The following IQGAP2 variants were observed in gnomAD, a reference collection of about 807,000 sequenced individuals.
The protein encoded by IQGAP2 is IQ motif containing GTPase activating protein 2.
IQGAP2 carries 173 observed loss-of-function variants against 201.3 expected under a neutral mutation model. The observed-to-expected ratio is 0.86, with a 90% CI of 0.76 to 0.98. The LOEUF (loss-of-function observed/expected upper bound fraction) is 0.98. Ranked by LOEUF, IQGAP2 falls within the 50% of genes least tolerant of loss-of-function variation. IQGAP2 has a pLI of 0.00. For missense variants in IQGAP2, 1,687 were observed against 1,864.8 expected, an observed-to-expected ratio of 0.90 and a Z score of 1.76; for synonymous variants, 675 against 673.9, an observed-to-expected ratio of 1.00 and a Z score of -0.03.
At chr5:76,527,940 G>C (rs1759062385) in intron 2 of IQGAP2, among the ~76,000 whole-genome samples, 1 of 152,182 alleles carries the variant, frequency 6.6e-6, no homozygotes, top group African/African-American at 2.4e-5. Context: ...CCAATCAGAA[G>C]AAAGATTACA....
At chr5:76,692,208 G>A (rs984046047) in intron 30 of IQGAP2, among the ~76,000 whole-genome samples, 4 of 152,164 alleles carry the variant, frequency 2.6e-5, no homozygotes, top group African/African-American at 7.2e-5. Flanking sequence ...CTGGAGTGCA[G>A]TGGCACGATT....
At chr5:76,501,292 A>G (rs1464984715) in intron 2 of IQGAP2, among the ~76,000 whole-genome samples, 1 of 152,188 alleles carries the variant, frequency 6.6e-6, no homozygotes, top group East Asian at 1.9e-4. Flanking sequence ...GACCAGGTTC[A>G]GTGACTCATG....
intron 14 of IQGAP2, among the ~76,000 whole-genome samples, chr5:76,630,770 C>T (rs1236954449): frequency 6.6e-6 from 1 of 152,106 alleles, no homozygotes; most frequent in African/African-American, 2.4e-5. Flanking sequence ...GCTATGTCTA[C>T]CCATGTTCTA....
chr5:76,616,818 C>T (rs1749018201), intron 13 of IQGAP2: 2 of 152,112 alleles, frequency 1.3e-5, no homozygotes, highest in Non-Finnish European at 2.9e-5. Flanking sequence ...CAGGCTACTG[C>T]ACTTCAGCCA....
At chr5:76,493,809 A>G (rs1394805205) in intron 2 of IQGAP2, among the ~76,000 whole-genome samples, 1 of 152,220 alleles carries the variant, frequency 6.6e-6, no homozygotes, top group Non-Finnish European at 1.5e-5. Flanking sequence ...AGTACGGCCT[A>G]GTTAACTTTT....
intron 2 of IQGAP2, among the ~76,000 whole-genome samples, chr5:76,475,940 AG>A (rs558432482): frequency 3.9e-5 from 6 of 152,094 alleles, no homozygotes; most frequent in Non-Finnish European, 8.8e-5. Flanking sequence ...TGGGTTCTTG[AG>A]GTCCCATCTG....
Position 76,673,553 on chromosome 5 carries a change from T to A in IQGAP2, c.3173T>A (p.Val1058Asp). 1 of 1,614,046 alleles carries A rather than the reference T, an allele frequency of 6.2e-7. No individual in the cohort carries two copies. Among genetic ancestry groups the A allele is most frequent in the Non-Finnish European group, 8.5e-7 (1 of 1,179,936 alleles). ...IENLRRVTDK[V>D]LNSIISSLDL... The stretch of plus-strand genomic sequence containing the variant: ...AACCTGAGAAGGGTCACCGACAAAG[T>A]CCTGAATTCTATCATTTCTTCCCTT... The change falls in exon 25 of 36, where the codon GTC becomes GAC. Residue 1058 changes from valine to aspartate, a missense_variant. Transcript: ENST00000274364.
intron 15 of IQGAP2, among the ~76,000 whole-genome samples, chr5:76,635,615 A>G (rs962720829): frequency 1.3e-5 from 2 of 152,092 alleles, no homozygotes; most frequent in African/African-American, 4.8e-5. Context: ...GGCTGAGGTG[A>G]GCGGATTGCT....
rs138834008 is a variant in IQGAP2, at chr5:76,501,055, G to T, written c.146+39386G>T. Among the ~76,000 whole-genome samples the T allele has an allele frequency of 2.7e-4, 41 of 151,492 alleles. No individual in the cohort carries two copies. The East Asian group carries it at 7.1e-3, about 26-fold the overall frequency. The stretch of plus-strand genomic sequence containing the variant: ...GTTGGAGGCACCGTGTACATTTAAG[G>T]AATTGACCATTAAATGTGATGATGA... On this transcript the variant is annotated intron_variant, in intron 2 of 35. Transcript: ENST00000274364.
rs774341816 is a variant in IQGAP2 at position 76,408,470 on chromosome 5, T to A, written c.46+4879T>A. ...CCTGCTAGCTGGTGGCAGAGGAACT[T>A]GAAAGCAGCACTGTCAGATCCTGGA... On this transcript the variant is annotated intron_variant, in intron 1 of 35. Coordinates refer to ENST00000274364, the MANE Select transcript of IQGAP2 (RefSeq NM_006633.5). Among the ~76,000 whole-genome samples, 97 of 152,308 alleles carry A rather than the reference T, an allele frequency of 6.4e-4. 1 individual carries two copies. The highest frequency in any genetic ancestry group is 1.6e-3 in the Admixed American group (25 of 15,304).
At chr5:76,542,475 G>A (rs1473453622) in intron 2 of IQGAP2, among the ~76,000 whole-genome samples, 1 of 152,184 alleles carries the variant, frequency 6.6e-6, no homozygotes, top group Non-Finnish European at 1.5e-5. Flanking sequence ...CTGTTTCCAA[G>A]CCCGCCCTGT....
chr5:76,634,186 C>A (rs1272910101), intron 15 of IQGAP2, among the ~76,000 whole-genome samples: 1 of 152,114 alleles, frequency 6.6e-6, no homozygotes, highest in Non-Finnish European at 1.5e-5. Flanking sequence ...TGGTCTATGG[C>A]TGCTTTCCTG....
chr5:76,680,999 G>A (rs1189923486), intron 28 of IQGAP2, among the ~76,000 whole-genome samples: 2 of 148,946 alleles, frequency 1.3e-5, no homozygotes, highest in Admixed American at 6.7e-5. Context: ...CCAGCTACTC[G>A]GAAGGCTGAG....
At chr5:76,662,769 C>G (rs1301822935) in intron 21 of IQGAP2, among the ~76,000 whole-genome samples, 1 of 152,244 alleles carries the variant, frequency 6.6e-6, no homozygotes, top group African/African-American at 2.4e-5. Flanking sequence ...GGTAACTGCA[C>G]TTCCTTTCTT....
intron 13 of IQGAP2, chr5:76,617,738 A>C (rs371571142): frequency 1.2e-6 from 2 of 1,613,946 alleles, no homozygotes; most frequent in South Asian, 2.2e-5. Flanking sequence ...TAGCATGGTG[A>C]ATAATAAGAA....
At chr5:76,448,479 G>A (rs1405542411) in intron 1 of IQGAP2, among the ~76,000 whole-genome samples, 1 of 152,166 alleles carries the variant, frequency 6.6e-6, no homozygotes, top group Non-Finnish European at 1.5e-5. Flanking sequence ...ATATCAAGAT[G>A]AAAGGAAGGC....
intron 10 of IQGAP2, among the ~76,000 whole-genome samples, chr5:76,599,848 G>A (rs56110610): frequency 0.059 from 8,943 of 151,910 alleles, 739 homozygotes; most frequent in East Asian, 0.44. Flanking sequence ...CCTTCAATAT[G>A]ATGAAAAAAA....
chr5:76,467,520 A>C (rs1754845980), intron 2 of IQGAP2, among the ~76,000 whole-genome samples: 1 of 152,210 alleles, frequency 6.6e-6, no homozygotes, highest in African/African-American at 2.4e-5. Flanking sequence ...GAGAAATCAA[A>C]ACTCATACAT....
chr5:76,665,495 A>G (rs1194015709), intron 22 of IQGAP2, among the ~76,000 whole-genome samples: 1 of 152,192 alleles, frequency 6.6e-6, no homozygotes, highest in Non-Finnish European at 1.5e-5. Context: ...TCTTTACAGT[A>G]TTATACTACG....
Sources: allele counts gnomAD v4.1 joint callset (sites outside exome capture counted in the v4.1 genomes callset), GRCh38; gene constraint gnomAD v4.1.1; transcripts MANE v1.5; gene names NCBI Gene and HGNC (gene_info 2026-07-23, HGNC 2026-07-21).